The following PPM1E variants were observed in gnomAD, a reference collection of about 807,000 sequenced individuals.
PPM1E encodes protein phosphatase 1E.
A neutral mutation model predicts 65.9 loss-of-function variants in PPM1E; 20 were observed. That is an observed-to-expected ratio of 0.30 (90% CI 0.21 to 0.44). The LOEUF is 0.44. PPM1E is among the 20% of genes least tolerant of loss of function. The pLI, the probability that PPM1E is intolerant of heterozygous loss-of-function variation, is 1.00. For missense variants in PPM1E, 713 were observed against 953.1 expected (o/e 0.75, Z 3.32); for synonymous variants, 352 against 374.9 (o/e 0.94, Z 0.70).
At chr17:58,821,327 G>A (rs547219150) in intron 1 of PPM1E, among the ~76,000 whole-genome samples, 1 of 152,250 alleles carries the variant, frequency 6.6e-6, no homozygotes, top group Non-Finnish European at 1.5e-5. Context: ...AGCCAGGATG[G>A]TCTCGATCTC....
chr17:58,886,122 A>T (rs760176523), intron 1 of PPM1E, among the ~76,000 whole-genome samples: 6 of 152,100 alleles, frequency 3.9e-5, no homozygotes, highest in Non-Finnish European at 5.9e-5. Context: ...TATGTTATCC[A>T]CTGTAAAACA....
At chr17:58,908,650 G>T (rs1000979168) in intron 1 of PPM1E, among the ~76,000 whole-genome samples, 16 of 151,156 alleles carry the variant, frequency 1.1e-4, no homozygotes, top group Admixed American at 1.1e-3. Context: ...ATGTTGGCCA[G>T]GCTGGTCTTG....
intron 1 of PPM1E, among the ~76,000 whole-genome samples, chr17:58,764,206 ATACT>A (rs2049851082): frequency 6.6e-6 from 1 of 152,040 alleles, no homozygotes; most frequent in African/African-American, 2.4e-5. Context: ...CACATTTCAA[ATACT>A]TAATAATTAT....
intron 1 of PPM1E, among the ~76,000 whole-genome samples, chr17:58,863,967 G>A (rs949541890): frequency 2.6e-5 from 4 of 151,764 alleles, no homozygotes; most frequent in African/African-American, 9.7e-5. Flanking sequence ...GAACATTTAG[G>A]TGGGGAAATG....
chr17:58,834,040 C>T (rs1456312304), intron 1 of PPM1E, among the ~76,000 whole-genome samples: 1 of 152,146 alleles, frequency 6.6e-6, no homozygotes, highest in Non-Finnish European at 1.5e-5. Context: ...TGTATGTCTT[C>T]TTTTGCGAAG....
At position 58,959,762 on chromosome 17, in the gene PPM1E, A is replaced by G. The variant is rs2029974370; in HGVS notation, c.583+3995A>G. On this transcript the variant is annotated intron_variant, in intron 2 of 6. Transcript: ENST00000308249. ...ATATTTTATTGAGGGCCTACTATAT[A>G]TGCTACTATATATGTATAATACTAG... is the stretch of plus-strand genomic sequence containing the variant. Among the ~76,000 whole-genome samples, 3 of 152,108 alleles carry G rather than the reference A, an allele frequency of 2.0e-5. No individual in the cohort carries two copies. In the South Asian group the frequency reaches 6.2e-4, roughly 31 times the overall value.
At position 58,947,194 on chromosome 17, in the gene PPM1E, C is replaced by A. The variant is rs529648748; in HGVS notation, c.465-8455C>A. Among the ~76,000 whole-genome samples the A allele has an allele frequency of 4.8e-5, 6 of 123,774 alleles. No homozygotes were observed. The East Asian group carries it at 1.6e-3, about 33-fold the overall frequency. The allele number at this position is 123,774 out of a possible 152,430, so 81.2% of individuals were successfully genotyped here. A position where few individuals can be genotyped will look rare whatever the true frequency, so the allele number is the denominator to read the frequency against. ...GTGTGATCTGCCCACCTCGGTCTCC[C>A]AAAGTGTTGGGATTACAAGTGTGAG... On this transcript the variant is annotated intron_variant, in intron 1 of 6. Coordinates refer to ENST00000308249, the MANE Select transcript of PPM1E (RefSeq NM_014906.5).
intron 1 of PPM1E, among the ~76,000 whole-genome samples, chr17:58,795,623 A>G (rs576840504): frequency 6.6e-6 from 1 of 152,300 alleles, no homozygotes; most frequent in South Asian, 2.1e-4. Context: ...AGGATTGCTT[A>G]AGCCCAGGAG....
intron 1 of PPM1E, among the ~76,000 whole-genome samples, chr17:58,801,288 A>G (rs980465595): frequency 6.6e-6 from 1 of 152,142 alleles, no homozygotes; most frequent in Non-Finnish European, 1.5e-5. Context: ...TTTTCCTTTG[A>G]TTCTGTCAAT....
chr17:58,946,690 A>G (rs1393587900), intron 1 of PPM1E, among the ~76,000 whole-genome samples: 2 of 152,022 alleles, frequency 1.3e-5, no homozygotes, highest in Admixed American at 6.6e-5. Flanking sequence ...TCCTGGCCCC[A>G]ACCTTACCCC....
At chr17:58,836,779 T>C (rs1220511066) in intron 1 of PPM1E, among the ~76,000 whole-genome samples, 1 of 145,464 alleles carries the variant, frequency 6.9e-6, no homozygotes, top group Non-Finnish European at 1.5e-5. Context: ...CCCAGCACTT[T>C]GGGAGGCCGA....
intron 1 of PPM1E, among the ~76,000 whole-genome samples, chr17:58,804,562 ATGT>A (rs1397942785): frequency 6.6e-6 from 1 of 152,150 alleles, no homozygotes; most frequent in African/African-American, 2.4e-5. Flanking sequence ...TTTACTTTAC[ATGT>A]TGTGACTCAC....
chr17:58,835,096 T>G (rs966132564), intron 1 of PPM1E, among the ~76,000 whole-genome samples: 3 of 152,190 alleles, frequency 2.0e-5, no homozygotes, highest in African/African-American at 4.8e-5. Context: ...ATCCCAGCAC[T>G]TTGAGAGACT....
At chr17:58,756,544 C>T in intron 1 of PPM1E, 83 bp downstream of exon 1, 1 of 1,241,334 alleles carries the variant, frequency 8.1e-7, no homozygotes, top group Non-Finnish European at 1.0e-6. Context: ...GCCCCTCAAA[C>T]TGCTCTCTTT....
intron 2 of PPM1E, among the ~76,000 whole-genome samples, chr17:58,965,034 A>G (rs1414356915): frequency 7.2e-6 from 1 of 139,340 alleles, no homozygotes; most frequent in Non-Finnish European, 1.6e-5. Context: ...AACAAAAGCG[A>G]AACTCCGTCT....
chr17:58,977,214 G>A (rs781306475), intron 6 of PPM1E, among the ~76,000 whole-genome samples: 1 of 152,068 alleles, frequency 6.6e-6, no homozygotes, highest in Admixed American at 6.6e-5. Flanking sequence ...AGAAGCCCAG[G>A]TGGGTAGATC....
At chr17:58,925,560 C>G (rs1249604857) in intron 1 of PPM1E, among the ~76,000 whole-genome samples, 4 of 151,996 alleles carry the variant, frequency 2.6e-5, no homozygotes, top group African/African-American at 4.8e-5. Flanking sequence ...CCTGCCTCAG[C>G]CTCCCGAGTA....
chr17:58,943,039 T>A (rs972041092), intron 1 of PPM1E, among the ~76,000 whole-genome samples: 19 of 151,080 alleles, frequency 1.3e-4, no homozygotes, highest in African/African-American at 3.9e-4. Context: ...CAAGTAAAAA[T>A]TTTTTTTAAA....
At chr17:58,758,984 C>T (rs2144129147) in intron 1 of PPM1E, among the ~76,000 whole-genome samples, 1 of 152,196 alleles carries the variant, frequency 6.6e-6, no homozygotes, top group Non-Finnish European at 1.5e-5. Flanking sequence ...CCACAAGAAT[C>T]GCTTGAACCC....
Sources: allele counts gnomAD v4.1 joint callset (sites outside exome capture counted in the v4.1 genomes callset), GRCh38; gene constraint gnomAD v4.1.1; transcripts MANE v1.5; gene names NCBI Gene and HGNC (gene_info 2026-07-23, HGNC 2026-07-21).